WASL: variants seen among roughly 807,000 people sequenced by gnomAD.
The protein encoded by WASL is actin nucleation-promoting factor WASL.
Under a neutral mutation model 55.5 loss-of-function variants are expected in WASL, and 20 were observed. The observed-to-expected ratio is 0.36, with a 90% confidence interval of 0.25 to 0.52. The LOEUF (loss-of-function observed/expected upper bound fraction) is 0.52. WASL is among the 20% of genes least tolerant of loss of function. The probability of loss-of-function intolerance (pLI) is 0.92; values close to 1 mark genes in which losing one functional copy is unlikely to be tolerated. For synonymous variants in WASL, 249 were observed against 217.6 expected, an observed-to-expected ratio of 1.14 and a Z score of -1.27; for missense variants, 504 against 622.5, an observed-to-expected ratio of 0.81 and a Z score of 2.03.
chr7:123,725,539 T>C (rs1342880153), intron 1 of WASL, among the ~76,000 whole-genome samples: 1 of 152,188 alleles, frequency 6.6e-6, no homozygotes, highest in Non-Finnish European at 1.5e-5. Flanking sequence ...AATATGTTTT[T>C]TTCCTCATTA....
chr7:123,734,235 C>A (rs1172810058), intron 1 of WASL, among the ~76,000 whole-genome samples: 1 of 152,096 alleles, frequency 6.6e-6, no homozygotes, highest in Non-Finnish European at 1.5e-5. Flanking sequence ...GTGAAACACA[C>A]AGCTGATACA....
intron 1 of WASL, among the ~76,000 whole-genome samples, chr7:123,732,826 G>A (rs762973890): frequency 2.6e-5 from 4 of 151,980 alleles, no homozygotes; most frequent in African/African-American, 7.3e-5. Context: ...CAATATATAA[G>A]AATTAAACAT....
rs754875522 is a variant in WASL, at chr7:123,709,058, T to C, written c.252+31A>G. ...AATTGATATAGAAAACCTAATCACC[T>C]AGTTTAAAGTGAAAGCAAAACAAAA... On this transcript the variant is annotated intron_variant, in intron 2 of 10. Coordinates refer to ENST00000223023, the MANE Select transcript of WASL (RefSeq NM_003941.4). 19 of 1,568,718 alleles carry C rather than the reference T, an allele frequency of 1.2e-5. 1 individual carries two copies. In the South Asian group the frequency reaches 2.3e-4, roughly 19 times the overall value.
intron 1 of WASL, among the ~76,000 whole-genome samples, chr7:123,729,878 A>T (rs1395745620): frequency 6.6e-6 from 1 of 152,180 alleles, no homozygotes; most frequent in Non-Finnish European, 1.5e-5. Context: ...GGAAAAAAAT[A>T]ATAATTAGGA....
At chr7:123,713,498 G>A (rs1803791859) in intron 1 of WASL, among the ~76,000 whole-genome samples, 1 of 152,032 alleles carries the variant, frequency 6.6e-6, no homozygotes, top group Non-Finnish European at 1.5e-5. Context: ...AAATGTGGGG[G>A]GAAATCATAT....
intron 1 of WASL, among the ~76,000 whole-genome samples, chr7:123,735,697 T>C (rs1289176161): frequency 6.6e-6 from 1 of 152,066 alleles, no homozygotes; most frequent in African/African-American, 2.4e-5. Context: ...GACAAAATAT[T>C]TGTGAATTTA....
intron 1 of WASL, among the ~76,000 whole-genome samples, chr7:123,745,546 C>T (rs1443934842): frequency 6.6e-6 from 1 of 152,176 alleles, no homozygotes; most frequent in South Asian, 2.1e-4. Flanking sequence ...ATTAAGATTT[C>T]CAATGTGCTC....
chr7:123,702,181 G>A lies in WASL; in HGVS notation c.460+2453C>T, dbSNP rs1803601189. ...AGCAATTCTCCTGCCTCAGCCTCCC[G>A]AGTAGCTGGGATTACAGACATGCGC... On this transcript the variant is annotated intron_variant, in intron 5 of 10. Coordinates refer to ENST00000223023, the MANE Select transcript of WASL (RefSeq NM_003941.4). 4.6e-5 allele frequency among the ~76,000 whole-genome samples: 7 copies of A among 151,708 alleles called. No individual in the cohort carries two copies. The South Asian group carries it at 1.0e-3, about 23-fold the overall frequency.
chr7:123,687,080 C>T (rs1269968125), intron 10 of WASL, among the ~76,000 whole-genome samples: 6 of 152,126 alleles, frequency 3.9e-5, no homozygotes, highest in Admixed American at 3.9e-4. Flanking sequence ...GTAAGTCTTT[C>T]CCCTTTCCAG....
rs11764896 is a variant in WASL, at chr7:123,739,706, G to A, written c.117+8912C>T. ...TTTGACTACAACATTTTCAACTTAC[G>A]ACAGGTTTATCAGGACATAATCCAT... is the stretch of plus-strand genomic sequence containing the variant. On this transcript the variant is annotated intron_variant, in intron 1 of 10. Transcript: ENST00000223023. Among the ~76,000 whole-genome samples the A allele has an allele frequency of 2.2e-3, 342 of 152,196 alleles. 2 individuals carry two copies. The highest frequency in any genetic ancestry group is 3.4e-3 in the Non-Finnish European group (231 of 67,990).
Position 123,724,662 on chromosome 7 carries a change from T to A in WASL, c.118-15439A>T, listed in dbSNP as rs553466893. On this transcript the variant is annotated intron_variant, in intron 1 of 10. Transcript: ENST00000223023. ...ATTTGCCGGATTGAACTGAGAGGGG[T>A]GCCTTTCTTAGAATCGTATTGATTA... is the stretch of plus-strand genomic sequence containing the variant. 2.0e-5 allele frequency among the ~76,000 whole-genome samples: 3 copies of A among 152,256 alleles called. No individual in the cohort carries two copies. The East Asian group carries it at 5.8e-4, about 29-fold the overall frequency.
At chr7:123,721,571 C>T (rs1225557598) in intron 1 of WASL, among the ~76,000 whole-genome samples, 1 of 152,182 alleles carries the variant, frequency 6.6e-6, no homozygotes, top group African/African-American at 2.4e-5. Flanking sequence ...AAAAACCCCA[C>T]CAAAGAATCC....
At chr7:123,746,648 T>C (rs531042281) in intron 1 of WASL, among the ~76,000 whole-genome samples, 28 of 152,314 alleles carry the variant, frequency 1.8e-4, no homozygotes, top group African/African-American at 6.5e-4. Context: ...ATTCAAAAGG[T>C]ACAGTTGATT....
At position 123,748,974 on chromosome 7, in the gene WASL, T is replaced by C. The variant is rs1454442178; in HGVS notation, c.-240A>G. The C allele has an allele frequency of 3.8e-6, 2 of 528,264 alleles. No individual in the cohort carries two copies. The highest frequency in any genetic ancestry group is 3.6e-5 in the Admixed American group (1 of 27,494). 32.7% of individuals were successfully genotyped at this position (528,264 alleles called of 1,614,324 possible). ...CCCGCCCGGCCAGGCTAGGGCCGGA[T>C]GGTCGTTGTCCTCGCACTCCGGCGA... is the stretch of plus-strand genomic sequence containing the variant. On this transcript the variant is annotated 5_prime_UTR_variant, in exon 1 of 11. Transcript: ENST00000223023.
chr7:123,691,563 T>A lies in WASL; in HGVS notation c.1347+784A>T, dbSNP rs1205407177. Among the ~76,000 whole-genome samples the A allele has an allele frequency of 2.6e-5, 4 of 152,226 alleles. No individual in the cohort carries two copies. The East Asian group carries it at 7.7e-4, about 29-fold the overall frequency. ...TTCATTTATGTATTGTCTGTGGTGCTTCTGCGGTAAAACAGCAGAGCTGAG... is the reference window on the plus strand; with the variant it reads ...TTCATTTATGTATTGTCTGTGGTGCATCTGCGGTAAAACAGCAGAGCTGAG... On this transcript the variant is annotated intron_variant, in intron 9 of 10. Transcript: ENST00000223023.
intron 5 of WASL, among the ~76,000 whole-genome samples, chr7:123,702,442 C>T (rs1235177409): frequency 6.6e-6 from 1 of 152,162 alleles, no homozygotes; most frequent in East Asian, 1.9e-4. Context: ...TTTTCAAATT[C>T]TATCTATTCA....
At chr7:123,703,791 G>A (rs1243498219) in intron 5 of WASL, among the ~76,000 whole-genome samples, 1 of 152,022 alleles carries the variant, frequency 6.6e-6, no homozygotes, top group Non-Finnish European at 1.5e-5. Flanking sequence ...AATCATTCTA[G>A]GTTCTGATAA....
chr7:123,702,022 A>G (rs533818291), intron 5 of WASL, among the ~76,000 whole-genome samples: 5 of 151,882 alleles, frequency 3.3e-5, no homozygotes, highest in Non-Finnish European at 7.4e-5. Context: ...AAAGATTTAA[A>G]ACCAATGGCC....
chr7:123,740,357 A>G (rs1201971524), intron 1 of WASL, among the ~76,000 whole-genome samples: 2 of 152,168 alleles, frequency 1.3e-5, no homozygotes, highest in African/African-American at 4.8e-5. Context: ...CCTATGAGAA[A>G]ATAATGTTTT....
Sources: gnomAD v4.1 joint callset for allele counts (sites outside exome capture counted in the v4.1 genomes callset) on GRCh38, gnomAD v4.1.1 for gene constraint, MANE v1.5 for transcripts, NCBI Gene and HGNC (gene_info 2026-07-23, HGNC 2026-07-21) for gene names.